THRB: variants seen among roughly 807,000 people sequenced by gnomAD.
The protein encoded by THRB is nuclear receptor subfamily 1 group A member 2.
THRB carries 12 observed loss-of-function variants against 47.8 expected under a neutral mutation model. That is an observed-to-expected ratio of 0.25 (90% confidence interval 0.16 to 0.41). The LOEUF is 0.41. Ranked by LOEUF, THRB falls within the 10% of genes least tolerant of loss-of-function variation. The pLI, the probability that THRB is intolerant of heterozygous loss-of-function variation, is 1.00. For missense variants in THRB, 348 were observed against 589.2 expected (o/e 0.59, Z 4.24); for synonymous variants, 218 against 212.2 (o/e 1.03, Z -0.24).
At chr3:24,212,173 T>C (rs1272144682) in intron 4 of THRB, among the ~76,000 whole-genome samples, 1 of 150,778 alleles carries the variant, frequency 6.6e-6, no homozygotes, top group Non-Finnish European at 1.5e-5. Context: ...CCGAGGTGGG[T>C]GGATCACGAA....
At chr3:24,201,285 C>A (rs375958185) in intron 4 of THRB, among the ~76,000 whole-genome samples, 6 of 152,142 alleles carry the variant, frequency 3.9e-5, no homozygotes, top group African/African-American at 1.4e-4. Context: ...TTCCTGTAGG[C>A]CTGCTTGATC....
intron 2 of THRB, among the ~76,000 whole-genome samples, chr3:24,315,411 C>T (rs1015659890): frequency 3.9e-5 from 6 of 152,212 alleles, no homozygotes; most frequent in Non-Finnish European, 8.8e-5. Flanking sequence ...GCTAAGCTAT[C>T]CCAATTATAT....
intron 3 of THRB, among the ~76,000 whole-genome samples, chr3:24,253,667 C>T (rs2050899188): frequency 1.3e-5 from 2 of 152,150 alleles, no homozygotes; most frequent in African/African-American, 2.4e-5. Flanking sequence ...TCAGATTTTC[C>T]AAGGAGATAA....
chr3:24,431,261 T>TACACACACACAC (rs199810848), intron 1 of THRB, among the ~76,000 whole-genome samples: 5 of 135,794 alleles, frequency 3.7e-5, no homozygotes, highest in African/African-American at 1.1e-4. Flanking sequence ...TCTCTCTCTC[T>TACACACACACAC]ACACACACAC....
chr3:24,127,843 A>C, intron 9 of THRB, 86 bp from the exon 10 acceptor site: 1 of 1,423,758 alleles, frequency 7.0e-7, no homozygotes, highest in Non-Finnish European at 9.9e-7. Flanking sequence ...AGCAATAGGA[A>C]TAACCTTCTG....
At chr3:24,307,669 T>C (rs541720685) in intron 2 of THRB, among the ~76,000 whole-genome samples, 1 of 152,314 alleles carries the variant, frequency 6.6e-6, no homozygotes, top group East Asian at 1.9e-4. Flanking sequence ...TTTTCAGAAG[T>C]GTTCCAGAAG....
intron 1 of THRB, among the ~76,000 whole-genome samples, chr3:24,377,275 T>C (rs2065361223): frequency 6.6e-6 from 1 of 152,056 alleles, no homozygotes; most frequent in South Asian, 2.1e-4. Flanking sequence ...CACATTCCAT[T>C]TGGTTCAGCC....
At chr3:24,486,258 G>T in intron 1 of THRB, 1 of 152,162 alleles carries the variant, frequency 6.6e-6, no homozygotes, top group East Asian at 1.9e-4. Context: ...GAATTACCAG[G>T]CTCAAAACTC....
chr3:24,355,287 C>T (rs971021010), intron 1 of THRB, among the ~76,000 whole-genome samples: 7 of 152,050 alleles, frequency 4.6e-5, no homozygotes, highest in African/African-American at 7.2e-5. Context: ...GGCTTGTATC[C>T]TCCAAAAATA....
At chr3:24,323,335 G>T (rs542215772) in intron 2 of THRB, among the ~76,000 whole-genome samples, 1 of 151,996 alleles carries the variant, frequency 6.6e-6, no homozygotes, top group Non-Finnish European at 1.5e-5. Context: ...GCTGTTAATG[G>T]CTCTGTTTGT....
chr3:24,289,720 G>A (rs185935710), intron 3 of THRB, among the ~76,000 whole-genome samples: 5 of 152,256 alleles, frequency 3.3e-5, no homozygotes, highest in Admixed American at 1.3e-4. Context: ...CTAAAATATC[G>A]AAAAGGCTGT....
intron 5 of THRB, among the ~76,000 whole-genome samples, chr3:24,184,769 G>A (rs1159064418): frequency 6.6e-6 from 1 of 152,194 alleles, no homozygotes; most frequent in Non-Finnish European, 1.5e-5. Context: ...AGATCCTGAT[G>A]TATGATGAGT....
At chr3:24,380,462 C>T (rs1393313881) in intron 1 of THRB, among the ~76,000 whole-genome samples, 2 of 151,980 alleles carry the variant, frequency 1.3e-5, no homozygotes, top group Non-Finnish European at 2.9e-5. Flanking sequence ...TTTACTACTT[C>T]TTTGATTGTA....
chr3:24,248,763 G>T (rs1289207514), intron 3 of THRB, among the ~76,000 whole-genome samples: 1 of 152,138 alleles, frequency 6.6e-6, no homozygotes, highest in African/African-American at 2.4e-5. Flanking sequence ...GCAGCAGCTG[G>T]TTGGCTTCCT....
chr3:24,273,736 T>C (rs1327783289), intron 3 of THRB, among the ~76,000 whole-genome samples: 1 of 152,198 alleles, frequency 6.6e-6, no homozygotes, highest in Non-Finnish European at 1.5e-5. Flanking sequence ...TTCCCCCAGA[T>C]GTCACTGGGG....
chr3:24,164,232 C>T (rs867130024), intron 5 of THRB, among the ~76,000 whole-genome samples: 5 of 152,066 alleles, frequency 3.3e-5, no homozygotes, highest in East Asian at 1.9e-4. Flanking sequence ...TTCAGTAATA[C>T]AAGAAATGTT....
intron 2 of THRB, among the ~76,000 whole-genome samples, chr3:24,334,116 AT>A (rs749098200): frequency 2.0e-5 from 3 of 152,218 alleles, no homozygotes; most frequent in Non-Finnish European, 2.9e-5. Flanking sequence ...CAAAATTCAA[AT>A]GAAGTTGTTT....
At chr3:24,361,634 G>A (rs1313715335) in intron 1 of THRB, among the ~76,000 whole-genome samples, 2 of 152,160 alleles carry the variant, frequency 1.3e-5, no homozygotes, top group African/African-American at 4.8e-5. Context: ...ACTAGAACAA[G>A]AAATAAAGGT....
intron 7 of THRB, among the ~76,000 whole-genome samples, chr3:24,145,298 G>A (rs1188163277): frequency 6.6e-6 from 1 of 151,996 alleles, no homozygotes; most frequent in South Asian, 2.1e-4. Flanking sequence ...TCTGGGACTC[G>A]AACAGAAGTT....
Sources: gnomAD v4.1 joint callset for allele counts (sites outside exome capture counted in the v4.1 genomes callset) on GRCh38, gnomAD v4.1.1 for gene constraint, MANE v1.5 for transcripts, NCBI Gene and HGNC (gene_info 2026-07-23, HGNC 2026-07-21) for gene names.